RHPN2: variants seen among roughly 807,000 people sequenced by gnomAD.
The protein encoded by RHPN2 is rhophilin-2.
RHPN2 carries 40 observed loss-of-function variants against 79.0 expected under a neutral mutation model. The observed-to-expected ratio is 0.51, with a 90% CI of 0.39 to 0.66. The LOEUF is 0.66. RHPN2 is among the 30% of genes least tolerant of loss of function. The pLI is 0.00. For synonymous variants in RHPN2, 285 were observed against 363.5 expected, an observed-to-expected ratio of 0.78 and a Z score of 2.46; for missense variants, 686 against 883.5, an observed-to-expected ratio of 0.78 and a Z score of 2.83.
At position 33,008,340 on chromosome 19, in the gene RHPN2, C is replaced by A. The variant is rs559173083; in HGVS notation, c.594-160G>T. Among the ~76,000 whole-genome samples the A allele has an allele frequency of 6.6e-5, 10 of 150,448 alleles. No individual in the cohort carries two copies. In the East Asian group the frequency reaches 1.6e-3, roughly 24 times the overall value. ...GATCATAGCTTACTGCAGCCTTCAA[C>A]TTTAGGGCTCAGTTGATCCTCCCAC... On this transcript the variant is annotated intron_variant, in intron 6 of 14. Coordinates refer to ENST00000254260, the MANE Select transcript of RHPN2 (RefSeq NM_033103.5).
chr19:32,989,254 C>T (rs1472213503), intron 14 of RHPN2, among the ~76,000 whole-genome samples: 5 of 152,126 alleles, frequency 3.3e-5, no homozygotes, highest in Non-Finnish European at 7.4e-5. Flanking sequence ...GGGTTACAGG[C>T]GTGCACCACC....
At chr19:33,012,426 C>G (rs1270673936) in intron 5 of RHPN2, among the ~76,000 whole-genome samples, 2 of 152,100 alleles carry the variant, frequency 1.3e-5, no homozygotes, top group Non-Finnish European at 2.9e-5. Context: ...ATCCGCCCAC[C>G]TCCACACCCC....
intron 1 of RHPN2, among the ~76,000 whole-genome samples, chr19:33,054,205 T>G (rs1471042542): frequency 6.7e-6 from 1 of 149,470 alleles, no homozygotes; most frequent in Non-Finnish European, 1.5e-5. Context: ...TTGTTTTTTT[T>G]TTTTTTTTTT....
At chr19:32,983,199 C>T (rs1487729102) in intron 14 of RHPN2, among the ~76,000 whole-genome samples, 9 of 150,988 alleles carry the variant, frequency 6.0e-5, no homozygotes, top group South Asian at 2.1e-4. Context: ...TCCTGCAATG[C>T]GTACCATCAC....
At position 33,004,665 on chromosome 19, in the gene RHPN2, CA is replaced by C. The variant is rs533023612; in HGVS notation, c.761-1666del. On this transcript the variant is annotated intron_variant, in intron 7 of 14. Coordinates refer to ENST00000254260, the MANE Select transcript of RHPN2 (RefSeq NM_033103.5). ...GCAGTGGTGTGATTTCAGTTCACTGCAACCTCTGCCTCCCAGGTTCAAGCGA... is the reference window on the plus strand; with the variant it reads ...GCAGTGGTGTGATTTCAGTTCACTGCACCTCTGCCTCCCAGGTTCAAGCGA... Among the ~76,000 whole-genome samples the C allele has an allele frequency of 1.9e-3, 284 of 151,824 alleles. 2 individuals carry two copies. Among genetic ancestry groups the C allele is most frequent in the African/African-American group, 6.3e-3 (262 of 41,430 alleles).
intron 4 of RHPN2, among the ~76,000 whole-genome samples, 198 bp downstream of exon 4, chr19:33,021,373 T>G (rs1280146385): frequency 6.6e-6 from 1 of 152,202 alleles, no homozygotes; most frequent in African/African-American, 2.4e-5. Flanking sequence ...TTCTTTTTTT[T>G]GGAGACAGGG....
chr19:32,989,289 C>T (rs1298735891), intron 14 of RHPN2, among the ~76,000 whole-genome samples: 1 of 152,032 alleles, frequency 6.6e-6, no homozygotes, highest in African/African-American at 2.4e-5. Flanking sequence ...TTTATATTTT[C>T]AGTAGAGACA....
intron 12 of RHPN2, among the ~76,000 whole-genome samples, chr19:32,993,340 G>A (rs1971676099): frequency 6.6e-6 from 1 of 151,968 alleles, no homozygotes; most frequent in African/African-American, 2.4e-5. Flanking sequence ...TGAGCGTAGT[G>A]GCACAGGCCT....
At chr19:33,062,765 T>TTAA (rs1972291448) in intron 1 of RHPN2, among the ~76,000 whole-genome samples, 1 of 102,468 alleles carries the variant, frequency 9.8e-6, no homozygotes, top group African/African-American at 4.0e-5. Flanking sequence ...GAGACTCTGT[T>TTAA]TCATAATAAT....
intron 4 of RHPN2, among the ~76,000 whole-genome samples, chr19:33,015,908 G>C (rs550221118): frequency 4.6e-5 from 7 of 152,070 alleles, no homozygotes; most frequent in African/African-American, 1.7e-4. Flanking sequence ...AAATTAGCTG[G>C]GTATAGTGGC....
chr19:33,012,233 G>A (rs184587773), intron 5 of RHPN2, among the ~76,000 whole-genome samples: 2 of 151,986 alleles, frequency 1.3e-5, no homozygotes, highest in Non-Finnish European at 2.9e-5. Flanking sequence ...GTAGAAACAG[G>A]GTTTTGCCAT....
intron 2 of RHPN2, among the ~76,000 whole-genome samples, chr19:33,032,306 C>T (rs575916708): frequency 3.3e-5 from 5 of 152,240 alleles, no homozygotes; most frequent in East Asian, 3.9e-4. Flanking sequence ...CGTGAGCCAC[C>T]GTGACCAGCC....
chr19:33,021,577 G>T lies in RHPN2; in HGVS notation c.384C>A (p.Val128=). 6.2e-7 allele frequency: 1 copy of T among 1,613,500 alleles called. No homozygotes were observed. The highest frequency in any genetic ancestry group is 1.1e-5 in the South Asian group (1 of 91,054). Residue 128 remains valine (V), a synonymous_variant, in exon 4 of 15, where the codon GTC becomes GTA. Transcript: ENST00000254260. The part of the protein sequence containing the change: ...KETKDVDFAV[V]LKDFILEHYS... The stretch of plus-strand genomic sequence containing the variant: ...CCATGGCTTTGAGATTTACCTTGAG[G>T]ACGACTGCAAAGTCGACGTCTTTCG...
At chr19:33,017,182 C>T (rs1183848801) in intron 4 of RHPN2, among the ~76,000 whole-genome samples, 1 of 152,114 alleles carries the variant, frequency 6.6e-6, no homozygotes, top group African/African-American at 2.4e-5. Context: ...AGTTCAAGAC[C>T]AGCCTGGCCA....
At chr19:33,037,731 C>G (rs1015753799) in intron 2 of RHPN2, among the ~76,000 whole-genome samples, 1 of 152,158 alleles carries the variant, frequency 6.6e-6, no homozygotes, top group African/African-American at 2.4e-5. Context: ...GAAGAAACTC[C>G]AAACACATCC....
chr19:32,991,786 CTG>C (rs563399300), intron 13 of RHPN2, 35 bp downstream of exon 13: 4 of 1,613,834 alleles, frequency 2.5e-6, no homozygotes, highest in South Asian at 1.1e-5. Context: ...ACCCAGATAT[CTG>C]TGTTTGCTGC....
At position 33,023,710 on chromosome 19, in the gene RHPN2, G is replaced by A. The variant is rs921809444; in HGVS notation, c.315-2064C>T. Among the ~76,000 whole-genome samples, 4 of 151,268 alleles carry A rather than the reference G, an allele frequency of 2.6e-5. No homozygotes were observed. The East Asian group carries it at 5.9e-4, about 22-fold the overall frequency. On this transcript the variant is annotated intron_variant, in intron 3 of 14. Transcript: ENST00000254260. ...TGAGGCAGGAGAATGGTGTGAACCCGGGAGGCAGAGCTTGCAGTGAGCCGA... is the reference window on the plus strand; with the variant it reads ...TGAGGCAGGAGAATGGTGTGAACCCAGGAGGCAGAGCTTGCAGTGAGCCGA...
chr19:32,998,217 G>A lies in RHPN2; in HGVS notation c.1225+1369C>T, dbSNP rs1050893836. Among the ~76,000 whole-genome samples, 9 of 152,192 alleles carry A rather than the reference G, an allele frequency of 5.9e-5. No homozygotes were observed. The South Asian group carries it at 1.7e-3, about 28-fold the overall frequency. ...TCATAGTGTTGTGTGGGGTTTAAGT[G>A]AGTGAATGTTTGTTAAATAAGCACT... On this transcript the variant is annotated intron_variant, in intron 10 of 14. Coordinates refer to ENST00000254260, the MANE Select transcript of RHPN2 (RefSeq NM_033103.5).
At chr19:33,048,725 C>CAAAAAAAAAAAAAAAAAAAAAAAAAAA (rs58396784) in intron 1 of RHPN2, among the ~76,000 whole-genome samples, 1 of 62,674 alleles carries the variant, frequency 1.6e-5, no homozygotes, top group African/African-American at 7.1e-5. Flanking sequence ...GACTCAGTCT[C>CAAAAAAAAAAAAAAAAAAAAAAAAAAA]AAAAAAAAAA....
Sources: allele counts gnomAD v4.1 joint callset (sites outside exome capture counted in the v4.1 genomes callset), GRCh38; gene constraint gnomAD v4.1.1; transcripts MANE v1.5; gene names NCBI Gene and HGNC (gene_info 2026-07-23, HGNC 2026-07-21).